BTBD9: variants seen among roughly 807,000 people sequenced by gnomAD.
BTBD9 encodes BTB domain containing 9, also known as BTB/POZ domain-containing protein 9.
BTBD9 carries 49 observed loss-of-function variants against 64.3 expected under a neutral mutation model. That is an observed-to-expected ratio of 0.76 (90% CI 0.61 to 0.97). BTBD9 has a LOEUF of 0.97. BTBD9 is among the 50% of genes least tolerant of loss of function. The probability of loss-of-function intolerance (pLI) is 0.00; values close to 1 mark genes in which losing one functional copy is unlikely to be tolerated. For synonymous variants in BTBD9, 260 were observed against 274.7 expected (o/e 0.95, Z 0.53); for missense variants, 598 against 762.1 (o/e 0.78, Z 2.53).
chr6:38,192,441 T>C (rs1039909407), intron 10 of BTBD9, 78 bp downstream of exon 10: 12 of 1,358,498 alleles, frequency 8.8e-6, no homozygotes, highest in Non-Finnish European at 1.3e-5. Context: ...GAACAAACAA[T>C]TCCACTTAAC....
chr6:38,202,773 T>TA (rs1036163326), intron 9 of BTBD9, among the ~76,000 whole-genome samples: 3 of 152,164 alleles, frequency 2.0e-5, no homozygotes, highest in African/African-American at 7.2e-5. Context: ...ATTAAGGACT[T>TA]AAATGTAAGA....
chr6:38,321,158 C>G (rs1260725409), intron 7 of BTBD9, among the ~76,000 whole-genome samples: 1 of 152,168 alleles, frequency 6.6e-6, no homozygotes, highest in Admixed American at 6.5e-5. Context: ...ATCGTCACTG[C>G]TTTAAGGTTT....
In BTBD9 at chr6:38,377,740, T is replaced by C. The variant is rs534841041; in HGVS notation, c.1155-32647A>G. On this transcript the variant is annotated intron_variant, in intron 6 of 10. Coordinates refer to ENST00000481247, the MANE Select transcript of BTBD9 (RefSeq NM_001099272.2). ...ATCTATCAAAGAAGATTGATGTTCC[T>C]ATCTTCTTTTTCATAATCATATTTA... Among the ~76,000 whole-genome samples the C allele has an allele frequency of 2.0e-5, 3 of 152,332 alleles. No individual in the cohort carries two copies. The South Asian group carries it at 6.2e-4, about 32-fold the overall frequency.
chr6:38,210,539 TG>T (rs1184114631), intron 9 of BTBD9, among the ~76,000 whole-genome samples: 4 of 12,032 alleles, frequency 3.3e-4, no homozygotes, highest in African/African-American at 4.7e-4. Flanking sequence ...CGTGTGTTTG[TG>T]TGTGTGTGTG....
At chr6:38,305,848 A>G (rs889182222) in intron 7 of BTBD9, among the ~76,000 whole-genome samples, 5 of 152,238 alleles carry the variant, frequency 3.3e-5, no homozygotes, top group Non-Finnish European at 5.9e-5. Context: ...TCACACTTAC[A>G]GTAGTTGTGA....
chr6:38,495,492 C>A (rs1771912369), intron 6 of BTBD9, among the ~76,000 whole-genome samples: 1 of 152,174 alleles, frequency 6.6e-6, no homozygotes, highest in Non-Finnish European at 1.5e-5. Flanking sequence ...AAAAACCTGT[C>A]CTTCTTTATT....
chr6:38,432,133 T>C (rs1768469602), intron 6 of BTBD9, among the ~76,000 whole-genome samples: 1 of 152,038 alleles, frequency 6.6e-6, no homozygotes, highest in Non-Finnish European at 1.5e-5. Flanking sequence ...TCATGTTTTG[T>C]CTCTTTTGCA....
intron 6 of BTBD9, among the ~76,000 whole-genome samples, chr6:38,511,535 A>T (rs1330855867): frequency 6.6e-6 from 1 of 151,494 alleles, no homozygotes; most frequent in Non-Finnish European, 1.5e-5. Context: ...TAGAGACAAG[A>T]TCTCCCTATG....
intron 6 of BTBD9, among the ~76,000 whole-genome samples, chr6:38,553,149 A>G (rs750010166): frequency 1.3e-5 from 2 of 151,964 alleles, no homozygotes; most frequent in East Asian, 3.9e-4. Context: ...TGTTATTTTT[A>G]TTGTCTTTTT....
In BTBD9 at chr6:38,432,364, G is replaced by C. The variant is rs955054962; in HGVS notation, c.1155-87271C>G. On this transcript the variant is annotated intron_variant, in intron 6 of 10. Transcript: ENST00000481247. ...AGGCTGACTGTCCTCACTCATTCCT[G>C]AGCGGGAGGAATTTGGAATTAAGTA... Among the ~76,000 whole-genome samples the C allele has an allele frequency of 2.6e-5, 4 of 151,914 alleles. No homozygotes were observed. The South Asian group carries it at 8.3e-4, about 31-fold the overall frequency.
intron 8 of BTBD9, among the ~76,000 whole-genome samples, chr6:38,268,491 A>G (rs959287900): frequency 6.6e-6 from 1 of 152,218 alleles, no homozygotes; most frequent in Non-Finnish European, 1.5e-5. Context: ...AACTCTGAAT[A>G]TTACAGTCAG....
intron 6 of BTBD9, among the ~76,000 whole-genome samples, chr6:38,387,400 A>G (rs1766224393): frequency 6.6e-6 from 1 of 152,042 alleles, no homozygotes; most frequent in Non-Finnish European, 1.5e-5. Flanking sequence ...AGCCGGGTGT[A>G]GTGGCACATG....
At chr6:38,521,856 G>A (rs1307085876) in intron 6 of BTBD9, among the ~76,000 whole-genome samples, 1 of 151,996 alleles carries the variant, frequency 6.6e-6, no homozygotes, top group African/African-American at 2.4e-5. Context: ...TGTATTTTTA[G>A]TAGAGACCAG....
At position 38,617,205 on chromosome 6, in the gene BTBD9, C is replaced by T. The variant is rs551838968; in HGVS notation, c.-27-19084G>A. The stretch of plus-strand genomic sequence containing the variant: ...CTGGAACCAGCTTCTGCTTTTCCTG[C>T]ACTTCCGGGCTGAGCCGAGGGTCAA... On this transcript the variant is annotated intron_variant, in intron 1 of 10. Coordinates refer to ENST00000481247, the MANE Select transcript of BTBD9 (RefSeq NM_001099272.2). Among the ~76,000 whole-genome samples the T allele has an allele frequency of 3.3e-4, 50 of 152,276 alleles. No individual in the cohort carries two copies. The South Asian group carries it at 9.8e-3, about 30-fold the overall frequency.
At chr6:38,290,259 A>C (rs1450312470) in intron 7 of BTBD9, among the ~76,000 whole-genome samples, 3 of 151,484 alleles carry the variant, frequency 2.0e-5, no homozygotes, top group Non-Finnish European at 4.4e-5. Context: ...AACACCGGTG[A>C]AATTACCTGT....
At chr6:38,609,607 A>G (rs1468606585) in intron 1 of BTBD9, among the ~76,000 whole-genome samples, 3 of 152,188 alleles carry the variant, frequency 2.0e-5, no homozygotes, top group Non-Finnish European at 4.4e-5. Flanking sequence ...TCTGTTTTAG[A>G]ACAAAAACTC....
At chr6:38,198,475 A>AC (rs1762343800) in intron 9 of BTBD9, among the ~76,000 whole-genome samples, 1 of 152,176 alleles carries the variant, frequency 6.6e-6, no homozygotes, top group South Asian at 2.1e-4. Context: ...AGAAAGGGTG[A>AC]CCGTAGTGCT....
chr6:38,222,254 GTTGTTTTTTT>G (rs1240515047), intron 9 of BTBD9, among the ~76,000 whole-genome samples: 7 of 96,744 alleles, frequency 7.2e-5, no homozygotes, highest in East Asian at 3.7e-4. Flanking sequence ...AATTCATTCA[GTTGTTTTTTT>G]TTTTTTTTTT....
At chr6:38,291,699 T>C (rs1383872251) in intron 7 of BTBD9, among the ~76,000 whole-genome samples, 2 of 152,188 alleles carry the variant, frequency 1.3e-5, no homozygotes, top group Admixed American at 1.3e-4. Context: ...GTTTTTAGCA[T>C]GAAGGGGTGT....
Sources: gnomAD v4.1 joint callset for allele counts (sites outside exome capture counted in the v4.1 genomes callset) on GRCh38, gnomAD v4.1.1 for gene constraint, MANE v1.5 for transcripts, NCBI Gene and HGNC (gene_info 2026-07-23, HGNC 2026-07-21) for gene names.